The following ADGRV1 variants were observed in gnomAD, a reference collection of about 807,000 sequenced individuals.
ADGRV1 encodes adhesion G protein-coupled receptor V1.
ADGRV1 carries 359 observed loss-of-function variants against 596.2 expected under a neutral mutation model. The observed-to-expected ratio is 0.60, with a 90% CI of 0.55 to 0.66. ADGRV1 has a LOEUF of 0.66. ADGRV1 is among the 30% of genes least tolerant of loss of function. The probability of loss-of-function intolerance (pLI) is 0.00; values close to 1 mark genes in which losing one functional copy is unlikely to be tolerated. For missense variants in ADGRV1, 7,274 were observed against 7,575.6 expected, an observed-to-expected ratio of 0.96 and a Z score of 1.48; for synonymous variants, 2,681 against 2,679.2, an observed-to-expected ratio of 1.00 and a Z score of -0.02.
intron 1 of ADGRV1, chr5:90,614,201 T>C (rs1763064210): frequency 8.1e-6 from 3 of 370,108 alleles, no homozygotes; most frequent in African/African-American, 4.5e-5. Context: ...AAAGGAAATA[T>C]ATACTTTGGC....
chr5:90,820,857 T>G (rs1427893721), intron 75 of ADGRV1, among the ~76,000 whole-genome samples: 1 of 152,140 alleles, frequency 6.6e-6, no homozygotes, highest in Non-Finnish European at 1.5e-5. Flanking sequence ...CATTTTTTCC[T>G]TCATTTCAAC....
chr5:90,858,033 T>C (rs961089993), intron 82 of ADGRV1, among the ~76,000 whole-genome samples: 4 of 152,184 alleles, frequency 2.6e-5, no homozygotes, highest in African/African-American at 9.7e-5. Context: ...ATGATCAAAG[T>C]GTGTCAAATA....
At chr5:91,100,781 C>T (rs925124756) in intron 86 of ADGRV1, among the ~76,000 whole-genome samples, 2 of 152,168 alleles carry the variant, frequency 1.3e-5, no homozygotes, top group Non-Finnish European at 1.5e-5. Context: ...AAATTGAGTT[C>T]TTGCGTCACC....
intron 83 of ADGRV1, among the ~76,000 whole-genome samples, chr5:90,962,610 G>A (rs1778127943): frequency 6.6e-6 from 1 of 152,038 alleles, no homozygotes; most frequent in Non-Finnish European, 1.5e-5. Flanking sequence ...ATTTTGGGTA[G>A]GCCTGGTCAC....
intron 83 of ADGRV1, among the ~76,000 whole-genome samples, chr5:90,961,487 CAAAAAAAAAA>C (rs34654014): frequency 2.1e-5 from 1 of 46,518 alleles, no homozygotes; most frequent in Non-Finnish European, 4.2e-5. Flanking sequence ...GACTCCGTCT[CAAAAAAAAAA>C]AAAAAAAAAA....
At chr5:90,928,449 C>A (rs1774768250) in intron 83 of ADGRV1, among the ~76,000 whole-genome samples, 1 of 150,824 alleles carries the variant, frequency 6.6e-6, no homozygotes, top group Non-Finnish European at 1.5e-5. Context: ...CTGCATTCTT[C>A]ACGTAGTTCT....
intron 83 of ADGRV1, among the ~76,000 whole-genome samples, chr5:90,901,780 T>A (rs897913847): frequency 6.6e-6 from 1 of 152,164 alleles, no homozygotes; most frequent in Non-Finnish European, 1.5e-5. Flanking sequence ...CGTCAACTTC[T>A]TCCTTTTTAA....
intron 85 of ADGRV1, among the ~76,000 whole-genome samples, chr5:91,004,635 T>C (rs1188046063): frequency 2.0e-5 from 3 of 152,276 alleles, no homozygotes; most frequent in Non-Finnish European, 2.9e-5. Context: ...AATGGTGAAA[T>C]ATAGACTGGA....
intron 87 of ADGRV1, among the ~76,000 whole-genome samples, chr5:91,149,560 G>A (rs1469643942): frequency 6.6e-6 from 1 of 151,832 alleles, no homozygotes; most frequent in Admixed American, 6.6e-5. Flanking sequence ...GGCTGGGCAC[G>A]GTGGCTCACA....
At chr5:90,958,295 A>G (rs903621644) in intron 83 of ADGRV1, among the ~76,000 whole-genome samples, 1 of 150,276 alleles carries the variant, frequency 6.7e-6, no homozygotes, top group Non-Finnish European at 1.5e-5. Context: ...AAAAAAAAAA[A>G]AAAAAAAAGA....
intron 85 of ADGRV1, among the ~76,000 whole-genome samples, chr5:90,994,860 G>C (rs559226995): frequency 6.6e-6 from 1 of 152,216 alleles, no homozygotes; most frequent in African/African-American, 2.4e-5. Flanking sequence ...TTAAATGCCT[G>C]TAATGAAGAA....
rs531180136 is a variant in ADGRV1 at position 90,689,011 on chromosome 5, C to T, written c.6491-850C>T. On this transcript the variant is annotated intron_variant, in intron 29 of 89. Transcript: ENST00000405460. ...AAGAAGACTGCCTACTTTGATAGTG[C>T]CGTCCCAGCATCCAGAGGGAGATTT... Among the ~76,000 whole-genome samples the T allele has an allele frequency of 3.9e-4, 59 of 152,284 alleles. No individual in the cohort carries two copies. In the South Asian group the frequency reaches 0.012, roughly 31 times the overall value.
intron 1 of ADGRV1, among the ~76,000 whole-genome samples, chr5:90,586,574 C>A (rs529901404): frequency 6.6e-6 from 1 of 152,256 alleles, no homozygotes; most frequent in South Asian, 2.1e-4. Flanking sequence ...GTTTCTTTAG[C>A]CCCCATTTTT....
intron 1 of ADGRV1, among the ~76,000 whole-genome samples, chr5:90,593,604 A>T (rs1012727448): frequency 4.6e-5 from 7 of 152,136 alleles, no homozygotes; most frequent in Non-Finnish European, 2.9e-5. Flanking sequence ...TATAATAATA[A>T]TTTTTTAAAA....
chr5:91,161,536 C>T (rs1311203391), intron 89 of ADGRV1, among the ~76,000 whole-genome samples: 18 of 145,116 alleles, frequency 1.2e-4, no homozygotes, highest in Non-Finnish European at 2.4e-4. Context: ...CAAGAGAAAC[C>T]AGAAATCTGA....
At chr5:90,709,276 A>G (rs922715982) in intron 39 of ADGRV1, among the ~76,000 whole-genome samples, 1 of 152,240 alleles carries the variant, frequency 6.6e-6, no homozygotes, top group East Asian at 1.9e-4. Flanking sequence ...AGCAGTGCTG[A>G]TATTTGCTTC....
At chr5:90,594,804 A>G (rs988751453) in intron 1 of ADGRV1, among the ~76,000 whole-genome samples, 31 of 150,830 alleles carry the variant, frequency 2.1e-4, no homozygotes, top group Admixed American at 2.0e-3. Flanking sequence ...GTTGGGGGTA[A>G]GGTCACAGAT....
chr5:91,014,041 C>T (rs560788587), intron 85 of ADGRV1, among the ~76,000 whole-genome samples: 7 of 151,590 alleles, frequency 4.6e-5, no homozygotes, highest in African/African-American at 1.7e-4. Context: ...TTTCTGGGCT[C>T]TCTATTTTGT....
chr5:90,814,796 A>G (rs1161637055), intron 74 of ADGRV1, among the ~76,000 whole-genome samples: 3 of 152,198 alleles, frequency 2.0e-5, no homozygotes, highest in Non-Finnish European at 2.9e-5. Flanking sequence ...GAACTAATAC[A>G]CATGGTTTTC....
Sources: gnomAD v4.1 joint callset for allele counts (sites outside exome capture counted in the v4.1 genomes callset) on GRCh38, gnomAD v4.1.1 for gene constraint, MANE v1.5 for transcripts, NCBI Gene and HGNC (gene_info 2026-07-23, HGNC 2026-07-21) for gene names.